The following GNAQ variants were observed in gnomAD, a reference collection of about 807,000 sequenced individuals.
The protein encoded by GNAQ is G protein subunit alpha q, also known as guanine nucleotide-binding protein G(q) subunit alpha.
Under a neutral mutation model 43.9 loss-of-function variants are expected in GNAQ, and 8 were observed. The ratio of observed to expected loss-of-function variants is 0.18; its 90% CI spans 0.11 to 0.33. GNAQ has a LOEUF of 0.33. GNAQ is among the 10% of genes least tolerant of loss of function. The pLI is 1.00. For missense variants in GNAQ, 158 were observed against 450.8 expected, an observed-to-expected ratio of 0.35 and a Z score of 5.88; for synonymous variants, 155 against 170.7, an observed-to-expected ratio of 0.91 and a Z score of 0.71.
chr9:78,005,949 T>C (rs1414845095), intron 1 of GNAQ, among the ~76,000 whole-genome samples: 1 of 152,144 alleles, frequency 6.6e-6, no homozygotes, highest in African/African-American at 2.4e-5. Flanking sequence ...CTTCCATGGG[T>C]CCTCTCCAAG....
At chr9:77,787,776 T>G (rs1826505471) in intron 5 of GNAQ, among the ~76,000 whole-genome samples, 1 of 152,228 alleles carries the variant, frequency 6.6e-6, no homozygotes, top group African/African-American at 2.4e-5. Flanking sequence ...ACGCCTGTTA[T>G]CCCAGCACTT....
chr9:77,776,438 A>G (rs1826307463), intron 5 of GNAQ, among the ~76,000 whole-genome samples: 1 of 152,204 alleles, frequency 6.6e-6, no homozygotes, highest in Non-Finnish European at 1.5e-5. Flanking sequence ...TATCAGACAA[A>G]ACAGACTTCA....
rs545402742 is a variant in GNAQ, at chr9:77,941,353, C to A, written c.137-19008G>T. Among the ~76,000 whole-genome samples, 40 of 152,068 alleles carry A rather than the reference C, an allele frequency of 2.6e-4. No individual in the cohort carries two copies. The East Asian group carries it at 7.0e-3, about 27-fold the overall frequency. ...CAAGCTCCGCCTCCTGGGTTCACGC[C>A]ATTCTCCTGCCTCAGCCTCCCAAGT... On this transcript the variant is annotated intron_variant, in intron 1 of 6. Coordinates refer to ENST00000286548, the MANE Select transcript of GNAQ (RefSeq NM_002072.5).
chr9:77,721,527 G>A lies in GNAQ; in HGVS notation c.890-14C>T. The A allele has an allele frequency of 6.6e-7, 1 of 1,512,862 alleles. No individual in the cohort carries two copies. The highest frequency in any genetic ancestry group is 9.1e-7 in the Non-Finnish European group (1 of 1,094,586). 93.7% of individuals were successfully genotyped at this position (1,512,862 alleles called of 1,614,324 possible). On this transcript the variant is annotated splice_polypyrimidine_tract_variant and intron_variant, in intron 6 of 6. Transcript: ENST00000286548. ...CTCTCTGGGGTCCTTTCGGCCAAGA[G>A]ACAAGAGGGACACTTTGTTACCTAA...
At chr9:77,731,362 C>G (rs1012131182) in intron 5 of GNAQ, among the ~76,000 whole-genome samples, 1 of 152,182 alleles carries the variant, frequency 6.6e-6, no homozygotes, top group Non-Finnish European at 1.5e-5. Flanking sequence ...GCCCAGGGTG[C>G]TGCCCATCTG....
intron 1 of GNAQ, among the ~76,000 whole-genome samples, chr9:77,944,001 G>A (rs1405358625): frequency 2.6e-5 from 4 of 151,916 alleles, no homozygotes; most frequent in Non-Finnish European, 1.5e-5. Context: ...CCCATGTGGT[G>A]TTAGGCAACT....
At chr9:77,795,627 G>A (rs1564112888) in intron 4 of GNAQ, among the ~76,000 whole-genome samples, 1 of 152,192 alleles carries the variant, frequency 6.6e-6, no homozygotes, top group Non-Finnish European at 1.5e-5. Flanking sequence ...AGGCACAGGA[G>A]AGAGATCTAA....
At chr9:77,914,104 C>T (rs985342791) in intron 2 of GNAQ, among the ~76,000 whole-genome samples, 23 of 151,788 alleles carry the variant, frequency 1.5e-4, no homozygotes, top group African/African-American at 5.6e-4. Context: ...TTTTACATGG[C>T]CGTCATGGGT....
chr9:77,891,673 G>T (rs1336442561), intron 2 of GNAQ, among the ~76,000 whole-genome samples: 2 of 152,118 alleles, frequency 1.3e-5, no homozygotes, highest in Non-Finnish European at 2.9e-5. Context: ...CATTTTGCTT[G>T]CCCTATTAGA....
intron 2 of GNAQ, among the ~76,000 whole-genome samples, chr9:77,864,563 C>T (rs779428435): frequency 7.9e-5 from 12 of 152,028 alleles, no homozygotes; most frequent in Admixed American, 4.6e-4. Context: ...CCTGCTGCTG[C>T]GTGGGAGGAT....
intron 2 of GNAQ, among the ~76,000 whole-genome samples, chr9:77,921,317 T>C (rs1417323644): frequency 1.3e-5 from 2 of 152,216 alleles, no homozygotes; most frequent in South Asian, 2.1e-4. Flanking sequence ...AGTCACACCC[T>C]GGGTGCAGGT....
At chr9:78,030,451 C>T (rs1824036797) in intron 1 of GNAQ, 1 of 462,560 alleles carries the variant, frequency 2.2e-6, no homozygotes, top group African/African-American at 2.0e-5. Context: ...TTGGGCTTGC[C>T]CTCCCGCCTC....
chr9:77,905,803 C>T (rs905501707), intron 2 of GNAQ, among the ~76,000 whole-genome samples: 1 of 152,090 alleles, frequency 6.6e-6, no homozygotes, highest in African/African-American at 2.4e-5. Flanking sequence ...AGCTGGAAGC[C>T]ATCATCCTCA....
chr9:77,796,321 C>A (rs1012153440), intron 4 of GNAQ, among the ~76,000 whole-genome samples: 2 of 152,156 alleles, frequency 1.3e-5, no homozygotes, highest in African/African-American at 4.8e-5. Flanking sequence ...AATCACTTGG[C>A]AGAGTGACAC....
chr9:77,812,239 C>G (rs146214262), intron 3 of GNAQ, among the ~76,000 whole-genome samples: 1 of 152,136 alleles, frequency 6.6e-6, no homozygotes, highest in East Asian at 1.9e-4. Context: ...AGAGGAAGAG[C>G]TGATGAAGAA....
chr9:78,012,385 G>A (rs546381627), intron 1 of GNAQ, among the ~76,000 whole-genome samples: 65 of 151,878 alleles, frequency 4.3e-4, no homozygotes, highest in Admixed American at 1.4e-3. Context: ...TTACAGGTGC[G>A]CGCCATACAG....
At chr9:77,731,597 A>G (rs1444057140) in intron 5 of GNAQ, among the ~76,000 whole-genome samples, 1 of 152,240 alleles carries the variant, frequency 6.6e-6, no homozygotes, top group Non-Finnish European at 1.5e-5. Flanking sequence ...GGGACACTCC[A>G]GGAATCTGCT....
intron 2 of GNAQ, among the ~76,000 whole-genome samples, chr9:77,881,718 C>CA (rs1247872867): frequency 1.3e-5 from 2 of 152,184 alleles, no homozygotes; most frequent in African/African-American, 2.4e-5. Flanking sequence ...GCTGTGTTTT[C>CA]AGTCAATCTG....
chr9:77,888,352 A>G (rs1380654338), intron 2 of GNAQ, among the ~76,000 whole-genome samples: 2 of 152,244 alleles, frequency 1.3e-5, no homozygotes, highest in Non-Finnish European at 2.9e-5. Flanking sequence ...AGATTTCAGA[A>G]TACTAATTCT....
Sources: allele counts gnomAD v4.1 joint callset (sites outside exome capture counted in the v4.1 genomes callset), GRCh38; gene constraint gnomAD v4.1.1; transcripts MANE v1.5; gene names NCBI Gene and HGNC (gene_info 2026-07-23, HGNC 2026-07-21).